The following CDIN1 variants were observed in gnomAD, a reference collection of about 807,000 sequenced individuals.
CDIN1 encodes CDAN1-interacting nuclease 1.
In CDIN1, 33 loss-of-function variants were observed where a neutral mutation model predicts 45.3. The ratio of observed to expected loss-of-function variants is 0.73; its 90% CI spans 0.55 to 0.97. CDIN1 has a LOEUF of 0.97. Among genes scored for constraint, CDIN1 ranks in the 50% least tolerant of loss-of-function variants. The pLI is 0.00. For missense variants in CDIN1, 303 were observed against 339.4 expected, an observed-to-expected ratio of 0.89 and a Z score of 0.84; for synonymous variants, 118 against 124.4, an observed-to-expected ratio of 0.95 and a Z score of 0.34.
chr15:36,692,099 C>T, intron 6 of CDIN1, 27 bp from the exon 7 acceptor site: 1 of 1,612,448 alleles, frequency 6.2e-7, no homozygotes, highest in South Asian at 1.1e-5. Flanking sequence ...CGCCCCACCC[C>T]AGACCCCTTT....
intron 1 of CDIN1, among the ~76,000 whole-genome samples, chr15:36,613,314 G>A (rs755110831): frequency 1.3e-5 from 2 of 152,156 alleles, no homozygotes; most frequent in Admixed American, 6.5e-5. Flanking sequence ...AGGCTAATAG[G>A]TGCAAGTCAC....
At chr15:36,653,994 G>C in intron 3 of CDIN1, 104 bp from the exon 4 acceptor site, 1 of 773,528 alleles carries the variant, frequency 1.3e-6, no homozygotes. Context: ...AGAGTTGAGC[G>C]TGGCATTTGT....
At chr15:36,713,245 G>A (rs2043116844) in intron 10 of CDIN1, among the ~76,000 whole-genome samples, 1 of 152,112 alleles carries the variant, frequency 6.6e-6, no homozygotes. Flanking sequence ...ATGCTATAAA[G>A]CACATGAACA....
At chr15:36,686,170 A>T (rs1024100498) in intron 5 of CDIN1, among the ~76,000 whole-genome samples, 5 of 152,084 alleles carry the variant, frequency 3.3e-5, no homozygotes, top group African/African-American at 1.2e-4. Flanking sequence ...CAAATGTCCA[A>T]CAATGATAGA....
intron 1 of CDIN1, among the ~76,000 whole-genome samples, chr15:36,600,309 A>G (rs560158498): frequency 6.6e-6 from 1 of 152,338 alleles, no homozygotes; most frequent in African/African-American, 2.4e-5. Context: ...CCCTGTGTGG[A>G]GTCCCAGAAC....
intron 10 of CDIN1, among the ~76,000 whole-genome samples, chr15:36,736,265 T>G (rs2044014967): frequency 6.6e-6 from 1 of 152,118 alleles, no homozygotes; most frequent in South Asian, 2.1e-4. Flanking sequence ...ACTTCTTCCT[T>G]TCCTCAGTTT....
At chr15:36,787,208 G>C (rs934408879) in intron 10 of CDIN1, among the ~76,000 whole-genome samples, 9 of 152,146 alleles carry the variant, frequency 5.9e-5, no homozygotes, top group Admixed American at 2.0e-4. Context: ...TACCAGGCAT[G>C]GATGCCTCTA....
At chr15:36,758,627 A>G (rs925757598) in intron 10 of CDIN1, among the ~76,000 whole-genome samples, 2 of 152,194 alleles carry the variant, frequency 1.3e-5, no homozygotes, top group Admixed American at 6.5e-5. Context: ...CACCCTTTAC[A>G]AAGAAATATA....
In CDIN1 at chr15:36,779,809, A is replaced by G. The variant is rs550265272; in HGVS notation, c.717-28515A>G. ...TTTTGTTTTGTTTTTTAGAGGAAGG[A>G]TGCTCTGAAAGTTGAAGATACCACC... On this transcript the variant is annotated intron_variant, in intron 10 of 10. Transcript: ENST00000566621. 2.0e-5 allele frequency among the ~76,000 whole-genome samples: 3 copies of G among 152,246 alleles called. No individual in the cohort carries two copies. The South Asian group carries it at 6.2e-4, about 32-fold the overall frequency.
chr15:36,694,645 T>C (rs1040425213), intron 7 of CDIN1, among the ~76,000 whole-genome samples: 3 of 152,148 alleles, frequency 2.0e-5, no homozygotes, highest in African/African-American at 7.2e-5. Context: ...CACCACAGCT[T>C]ATACTCACCA....
At chr15:36,762,019 C>T (rs2053778905) in intron 10 of CDIN1, among the ~76,000 whole-genome samples, 1 of 152,116 alleles carries the variant, frequency 6.6e-6, no homozygotes, top group Non-Finnish European at 1.5e-5. Flanking sequence ...AAGTCTATTG[C>T]AGGCAGAATG....
intron 10 of CDIN1, among the ~76,000 whole-genome samples, chr15:36,758,215 G>T (rs1367040480): frequency 6.6e-6 from 1 of 151,956 alleles, no homozygotes; most frequent in Non-Finnish European, 1.5e-5. Flanking sequence ...CTCAGAGCAG[G>T]CTAGAAAACT....
intron 4 of CDIN1, among the ~76,000 whole-genome samples, chr15:36,655,953 C>G (rs1236120686): frequency 6.6e-6 from 1 of 152,172 alleles, no homozygotes; most frequent in Non-Finnish European, 1.5e-5. Flanking sequence ...AACCTACCAA[C>G]ACATTTTCTC....
chr15:36,735,008 A>G (rs2043966448), intron 10 of CDIN1, among the ~76,000 whole-genome samples: 2 of 152,310 alleles, frequency 1.3e-5, no homozygotes, highest in South Asian at 2.1e-4. Context: ...TGTCTGCTCT[A>G]TATTTCCATT....
At chr15:36,609,019 A>AGATG (rs2038520915) in intron 1 of CDIN1, among the ~76,000 whole-genome samples, 2 of 150,392 alleles carry the variant, frequency 1.3e-5, no homozygotes, top group African/African-American at 4.9e-5. Flanking sequence ...ATAGATAGAT[A>AGATG]ATTTTTTAAG....
chr15:36,702,491 G>A (rs895169347), intron 8 of CDIN1, among the ~76,000 whole-genome samples: 1 of 152,090 alleles, frequency 6.6e-6, no homozygotes, highest in East Asian at 1.9e-4. Context: ...GACCACTTAC[G>A]ATGGTGTGCT....
chr15:36,662,020 G>T (rs567294522), intron 5 of CDIN1, among the ~76,000 whole-genome samples: 1 of 152,258 alleles, frequency 6.6e-6, no homozygotes, highest in East Asian at 1.9e-4. Flanking sequence ...CATGTTTACT[G>T]CTACTGAGTC....
rs548073904 is a variant in CDIN1, at chr15:36,648,051, G to A, written c.212+2764G>A. 1.4e-4 allele frequency among the ~76,000 whole-genome samples: 22 copies of A among 152,190 alleles called. No homozygotes were observed. In the South Asian group the frequency reaches 4.4e-3, roughly 30 times the overall value. On this transcript the variant is annotated intron_variant, in intron 3 of 10. Coordinates refer to ENST00000566621, the MANE Select transcript of CDIN1 (RefSeq NM_001321759.2). ...AGACGGGGTTTCACCGTGTTAGCCA[G>A]GATGGTCTCGATCTCCTGACCTTGT...
chr15:36,602,224 C>T (rs1228294792), intron 1 of CDIN1, among the ~76,000 whole-genome samples: 2 of 152,220 alleles, frequency 1.3e-5, no homozygotes, highest in African/African-American at 4.8e-5. Flanking sequence ...ATCTTGTCTT[C>T]TACTTAACTC....
Sources: gnomAD v4.1 joint callset for allele counts (sites outside exome capture counted in the v4.1 genomes callset) on GRCh38, gnomAD v4.1.1 for gene constraint, MANE v1.5 for transcripts, NCBI Gene and HGNC (gene_info 2026-07-23, HGNC 2026-07-21) for gene names.